Variants in CHAF1B observed in about 807,000 individuals in gnomAD.
CHAF1B encodes CAF-1 subunit B.
CHAF1B carries 10 observed loss-of-function variants against 60.7 expected under a neutral mutation model. That is an observed-to-expected ratio of 0.16 (90% confidence interval 0.10 to 0.28). CHAF1B has a LOEUF of 0.28. Ranked by LOEUF, CHAF1B falls within the 10% of genes least tolerant of loss-of-function variation. The pLI, the probability that CHAF1B is intolerant of heterozygous loss-of-function variation, is 1.00. For missense variants in CHAF1B, 558 were observed against 708.4 expected (o/e 0.79, Z 2.41); for synonymous variants, 261 against 266.1 (o/e 0.98, Z 0.19).
rs2146381056 is a variant in CHAF1B, at chr21:36,417,722, C to A, written c.*1356C>A. ...GCTCAAGTAATCCTCCCTCCCCAGCCTCCCAAAGTGTTGGGATTACAGGCG... is the reference window on the plus strand; with the variant it reads ...GCTCAAGTAATCCTCCCTCCCCAGCATCCCAAAGTGTTGGGATTACAGGCG... On this transcript the variant is annotated 3_prime_UTR_variant, in exon 14 of 14. Coordinates refer to ENST00000314103, the MANE Select transcript of CHAF1B (RefSeq NM_005441.3). The A allele has an allele frequency of 6.6e-6, 1 of 152,258 alleles. No homozygotes were observed. Among genetic ancestry groups the A allele is most frequent in the Admixed American group, 6.5e-5 (1 of 15,278 alleles). The allele number at this position is 152,258 out of a possible 1,614,324, so 9.4% of individuals were successfully genotyped here. A position where few individuals can be genotyped will look rare whatever the true frequency, so the allele number is the denominator to read the frequency against.
intron 3 of CHAF1B, among the ~76,000 whole-genome samples, chr21:36,389,757 G>GGA (rs2146360241): frequency 7.3e-6 from 1 of 136,412 alleles, no homozygotes; most frequent in African/African-American, 3.0e-5. Flanking sequence ...GTGCATGAAG[G>GGA]GATGTGTGTG....
intron 8 of CHAF1B, among the ~76,000 whole-genome samples, chr21:36,408,315 G>A (rs1248003230): frequency 6.6e-6 from 1 of 152,178 alleles, no homozygotes; most frequent in Non-Finnish European, 1.5e-5. Flanking sequence ...CTCATGGCTG[G>A]ATAGGGAAGT....
intron 3 of CHAF1B, among the ~76,000 whole-genome samples, chr21:36,390,333 CAAAA>C (rs1555911920): frequency 2.4e-5 from 2 of 81,930 alleles, no homozygotes; most frequent in Non-Finnish European, 2.8e-5. Flanking sequence ...AACACCATCT[CAAAA>C]AAAAAAAAAA....
chr21:36,385,584 C>CCGTCCACCCCCGGCCCCGCGCGGCCT (rs1335788735), intron 1 of CHAF1B, 133 bp downstream of exon 1: 1 of 151,776 alleles, frequency 6.6e-6, no homozygotes, highest in African/African-American at 2.4e-5. Flanking sequence ...CGGCGGGGCC[C>CCGTCCACCCCCGGCCCCGCGCGGCCT]CGTCCACCCC....
chr21:36,407,280 C>T (rs1011503718), intron 8 of CHAF1B, among the ~76,000 whole-genome samples: 1 of 146,154 alleles, frequency 6.8e-6, no homozygotes, highest in Non-Finnish European at 1.5e-5. Flanking sequence ...CTAGCCTGGG[C>T]AACAGAGTGA....
Position 36,402,910 on chromosome 21 carries a change from G to A in CHAF1B, c.757+59G>A, listed in dbSNP as rs530506949. 6.5e-5 allele frequency: 87 copies of A among 1,344,446 alleles called. No individual in the cohort carries two copies. In the South Asian group the frequency reaches 8.0e-4, roughly 12 times the overall value. 83.3% of individuals were successfully genotyped at this position (1,344,446 alleles called of 1,614,324 possible). A position where few individuals can be genotyped will look rare whatever the true frequency, so the allele number is the denominator to read the frequency against. On this transcript the variant is annotated intron_variant, in intron 8 of 13. Coordinates refer to ENST00000314103, the MANE Select transcript of CHAF1B (RefSeq NM_005441.3). ...TGGCCGAGTGGGGATGTCTGCTCCC[G>A]TTTTACGCTGCAGCTTATCAGCTCA... is the stretch of plus-strand genomic sequence containing the variant.
At chr21:36,402,145 C>CT (rs2086196378) in intron 7 of CHAF1B, among the ~76,000 whole-genome samples, 1 of 152,068 alleles carries the variant, frequency 6.6e-6, no homozygotes, top group Non-Finnish European at 1.5e-5. Flanking sequence ...CCACTATTTT[C>CT]TTTTTTTAAA....
At chr21:36,401,208 G>C (rs934956842) in intron 7 of CHAF1B, among the ~76,000 whole-genome samples, 1 of 151,056 alleles carries the variant, frequency 6.6e-6, no homozygotes, top group African/African-American at 2.4e-5. Context: ...TGGAGTTTGC[G>C]GTGAGCCGAG....
intron 7 of CHAF1B, among the ~76,000 whole-genome samples, chr21:36,401,988 G>C (rs570312209): frequency 2.6e-5 from 4 of 152,182 alleles, no homozygotes; most frequent in African/African-American, 9.6e-5. Context: ...TGATCCGCCC[G>C]CCTTGGCCTC....
intron 4 of CHAF1B, among the ~76,000 whole-genome samples, chr21:36,392,737 G>A (rs559080795): frequency 7.3e-5 from 11 of 151,266 alleles, no homozygotes; most frequent in African/African-American, 2.2e-4. Context: ...ACAGGGCGGC[G>A]GGGCAGAGGC....
chr21:36,398,055 A>AT (rs757116185), intron 6 of CHAF1B: 1,724 of 132,692 alleles, frequency 0.013, 17 homozygotes, highest in African/African-American at 0.031. Context: ...TATTATTACT[A>AT]TTTTTTTTTT....
chr21:36,389,274 T>G (rs2086062474), intron 3 of CHAF1B, among the ~76,000 whole-genome samples: 1 of 152,172 alleles, frequency 6.6e-6, no homozygotes, highest in Admixed American at 6.5e-5. Context: ...ATTCTTGTTT[T>G]CTGCCTGTGC....
At chr21:36,389,800 T>TGTGTGTGCGCGCGCGC in intron 3 of CHAF1B, among the ~76,000 whole-genome samples, 73 of 124,794 alleles carry the variant, frequency 5.8e-4, no homozygotes, top group African/African-American at 1.2e-3. Context: ...TGTGTGTGTG[T>TGTGTGTGCGCGCGCGC]GCGCGCGCAC....
chr21:36,416,378 C>T lies in CHAF1B; in HGVS notation c.*12C>T. On this transcript the variant is annotated 3_prime_UTR_variant, in exon 14 of 14. Transcript: ENST00000314103. The stretch of plus-strand genomic sequence containing the variant: ...GTCTGGACCCTTGATGGGACCTCGG[C>T]TTCTGCTCGAAGCCTACCAGGCTCC... The T allele has an allele frequency of 1.2e-6, 2 of 1,610,194 alleles. No homozygotes were observed. Among genetic ancestry groups the T allele is most frequent in the Non-Finnish European group, 1.7e-6 (2 of 1,177,782 alleles).
intron 8 of CHAF1B, among the ~76,000 whole-genome samples, 181 bp from the exon 9 acceptor site, chr21:36,408,580 G>A (rs75506239): frequency 0.02 from 2,992 of 152,298 alleles, 51 homozygotes; most frequent in Admixed American, 0.043. Flanking sequence ...TGGAGTAAGG[G>A]CTGAGAACAG....
Position 36,416,279 on chromosome 21 carries a change from G to A in CHAF1B, c.1593G>A (p.Thr531=), listed in dbSNP as rs777907811. 2.4e-5 allele frequency: 39 copies of A among 1,612,386 alleles called. No homozygotes were observed. The East Asian group carries it at 4.5e-4, about 18-fold the overall frequency. The change falls in exon 14 of 14, where the codon ACG becomes ACA. Residue 531 remains threonine (T), a synonymous_variant. Coordinates refer to ENST00000314103, the MANE Select transcript of CHAF1B (RefSeq NM_005441.3). The part of the protein sequence containing the change: ...TPSTEEIQSE[T]PGDAQGSPPE... Reference sequence around the variant, plus strand: ...TTATGTTTGTTAATGTTGCAGAGACGCCTGGAGACGCTCAGGGCAGTCCCC... The same window carrying A: ...TTATGTTTGTTAATGTTGCAGAGACACCTGGAGACGCTCAGGGCAGTCCCC...
rs765053500 is a variant in CHAF1B at position 36,391,638 on chromosome 21, A to G, written c.347A>G (p.Lys116Arg). ...FQDEDEAQLN[K>R]ENWTVVKTLR... is the part of the protein sequence containing the mutation. The stretch of plus-strand genomic sequence containing the variant: ...GATGAGGACGAGGCCCAGCTGAACA[A>G]GGAGAACTGGACGGTTGTGAAGACT... The change falls in exon 4 of 14, where the codon AAG becomes AGG. Residue 116 changes from lysine (K) to arginine (R), a missense_variant. Coordinates refer to ENST00000314103, the MANE Select transcript of CHAF1B (RefSeq NM_005441.3). 1 of 1,613,362 alleles carries G rather than the reference A, an allele frequency of 6.2e-7. No homozygotes were observed.
At position 36,385,899 on chromosome 21, in the gene CHAF1B, C is replaced by A. The variant is rs929678602; in HGVS notation, c.-77-161C>A. Among the ~76,000 whole-genome samples, 4 of 152,212 alleles carry A rather than the reference C, an allele frequency of 2.6e-5. No homozygotes were observed. In the South Asian group the frequency reaches 8.3e-4, roughly 31 times the overall value. Reference sequence around the variant, plus strand: ...TATCATAAACTTGTGGATGTCAGGACCCAGCGAAGCATTTTAGGTGGAGCT... The same window carrying A: ...TATCATAAACTTGTGGATGTCAGGAACCAGCGAAGCATTTTAGGTGGAGCT... On this transcript the variant is annotated intron_variant, in intron 1 of 13. Transcript: ENST00000314103.
At position 36,416,405 on chromosome 21, in the gene CHAF1B, G is replaced by T. The variant is rs202093155; in HGVS notation, c.*39G>T. ...TCTGCTCGAAGCCTACCAGGCTCCC[G>T]GTGTGTGCAGGGAGACGGTAAAGCT... On this transcript the variant is annotated 3_prime_UTR_variant, in exon 14 of 14. Transcript: ENST00000314103. 5.4e-5 allele frequency: 83 copies of T among 1,544,784 alleles called. No individual in the cohort carries two copies. The East Asian group carries it at 1.7e-3, about 31-fold the overall frequency.
Sources: gnomAD v4.1 joint callset for allele counts (sites outside exome capture counted in the v4.1 genomes callset) on GRCh38, gnomAD v4.1.1 for gene constraint, MANE v1.5 for transcripts, NCBI Gene and HGNC (gene_info 2026-07-23, HGNC 2026-07-21) for gene names.